GPATCH2: variants seen among roughly 807,000 people sequenced by gnomAD.
The protein encoded by GPATCH2 is G patch domain-containing protein 2.
Under a neutral mutation model 58.0 loss-of-function variants are expected in GPATCH2, and 51 were observed. That is an observed-to-expected ratio of 0.88 (90% CI 0.70 to 1.11). The LOEUF is 1.11. Ranked by LOEUF, GPATCH2 falls within the 50% of genes most tolerant of loss-of-function variation. The pLI, the probability that GPATCH2 is intolerant of heterozygous loss-of-function variation, is 0.00. For synonymous variants in GPATCH2, 222 were observed against 218.5 expected (o/e 1.02, Z -0.14); for missense variants, 625 against 652.2 (o/e 0.96, Z 0.45).
intron 5 of GPATCH2, among the ~76,000 whole-genome samples, chr1:217,578,087 G>T (rs1666893649): frequency 7.6e-6 from 1 of 132,390 alleles, no homozygotes; most frequent in South Asian, 3.1e-4. Context: ...CATGGGGGTG[G>T]GGCGGGGGGC....
intron 1 of GPATCH2, among the ~76,000 whole-genome samples, chr1:217,621,369 CG>C (rs957759185): frequency 6.6e-5 from 10 of 152,114 alleles, no homozygotes; most frequent in African/African-American, 2.4e-4. Flanking sequence ...GATTTGCACC[CG>C]TCTTATGAAG....
At chr1:217,492,966 G>A (rs1397162436) in intron 7 of GPATCH2, among the ~76,000 whole-genome samples, 1 of 152,108 alleles carries the variant, frequency 6.6e-6, no homozygotes, top group Non-Finnish European at 1.5e-5. Context: ...AGTTTACTTA[G>A]CTGTCCTTGA....
At chr1:217,491,496 A>G in intron 8 of GPATCH2, 184 bp downstream of exon 8, 1 of 289,070 alleles carries the variant, frequency 3.5e-6, no homozygotes, top group Non-Finnish European at 6.3e-6. Context: ...AAGTTTAAAA[A>G]ATATAAATAA....
chr1:217,451,127 C>T (rs1046337044), intron 8 of GPATCH2, among the ~76,000 whole-genome samples: 2 of 152,038 alleles, frequency 1.3e-5, no homozygotes, highest in East Asian at 3.8e-4. Flanking sequence ...GTGGTAGTGG[C>T]GGCAGGCATA....
intron 9 of GPATCH2, among the ~76,000 whole-genome samples, chr1:217,448,769 A>G (rs1659512409): frequency 6.6e-6 from 1 of 152,226 alleles, no homozygotes; most frequent in African/African-American, 2.4e-5. Flanking sequence ...AGAAGGAATG[A>G]GGAATCTAAG....
intron 8 of GPATCH2, among the ~76,000 whole-genome samples, chr1:217,485,131 A>C (rs1172634556): frequency 1.3e-5 from 2 of 152,190 alleles, no homozygotes; most frequent in Non-Finnish European, 2.9e-5. Flanking sequence ...GTAAGACTTC[A>C]TCTGAGTTTG....
chr1:217,601,408 T>C (rs1409286713), intron 5 of GPATCH2, among the ~76,000 whole-genome samples: 1 of 149,902 alleles, frequency 6.7e-6, no homozygotes, highest in Non-Finnish European at 1.5e-5. Flanking sequence ...CTGTCTCAAT[T>C]AAAAAAATAA....
At chr1:217,552,133 C>A (rs1433864032) in intron 5 of GPATCH2, among the ~76,000 whole-genome samples, 1 of 151,954 alleles carries the variant, frequency 6.6e-6, no homozygotes, top group East Asian at 1.9e-4. Context: ...ACAAACCAAC[C>A]TGATGTATAT....
chr1:217,523,210 G>A (rs1037858998), intron 5 of GPATCH2, among the ~76,000 whole-genome samples: 7 of 151,582 alleles, frequency 4.6e-5, no homozygotes, highest in Non-Finnish European at 1.0e-4. Flanking sequence ...ATTCTTGGGT[G>A]TTTCTCCCAG....
At chr1:217,599,509 T>C (rs1408418178) in intron 5 of GPATCH2, among the ~76,000 whole-genome samples, 1 of 152,208 alleles carries the variant, frequency 6.6e-6, no homozygotes, top group East Asian at 1.9e-4. Flanking sequence ...TGAAACCAAA[T>C]GTTACACTGA....
rs1558388568 is a variant in GPATCH2 at position 217,433,386 on chromosome 1, T to TATATA, written c.1367-2022_1367-2021insTATAT. ...CATATATATATATATATATATATAT[T>TATATA]TATTTATTTATTTATTTATTTATTT... On this transcript the variant is annotated intron_variant, in intron 9 of 9. Transcript: ENST00000366935. Among the ~76,000 whole-genome samples the TATATA allele has an allele frequency of 9.1e-3, 262 of 28,826 alleles. 2 individuals are homozygous for TATATA. Among genetic ancestry groups the TATATA allele is most frequent in the Middle Eastern group, 0.071 (3 of 42 alleles). 18.9% of individuals were successfully genotyped at this position (28,826 alleles called of 152,430 possible).
chr1:217,515,601 G>A (rs1421005818), intron 5 of GPATCH2, among the ~76,000 whole-genome samples: 2 of 151,870 alleles, frequency 1.3e-5, no homozygotes, highest in African/African-American at 4.8e-5. Context: ...CCAGCTACTC[G>A]GGAGGCTGAG....
intron 5 of GPATCH2, among the ~76,000 whole-genome samples, chr1:217,528,821 C>T (rs80181830): frequency 0.026 from 3,992 of 152,210 alleles, 76 homozygotes; most frequent in East Asian, 0.076. Flanking sequence ...AGTTCCTGTA[C>T]CCTCTTGAGG....
At position 217,427,034 on chromosome 1, in the gene GPATCH2, C is replaced by T. The variant is rs1445803705; in HGVS notation, c.*4111G>A. The T allele has an allele frequency of 6.6e-6, 1 of 151,848 alleles. No homozygotes were observed. Among genetic ancestry groups the T allele is most frequent in the Non-Finnish European group, 1.5e-5 (1 of 67,962 alleles). 9.4% of individuals were successfully genotyped at this position (151,848 alleles called of 1,614,324 possible). ...TAAGTTTAATCAACATAGTGAAATGCCTCTTACAGCAAACAAAACTCAACA... is the reference window on the plus strand; with the variant it reads ...TAAGTTTAATCAACATAGTGAAATGTCTCTTACAGCAAACAAAACTCAACA... On this transcript the variant is annotated 3_prime_UTR_variant, in exon 10 of 10. Transcript: ENST00000366935.
Position 217,631,059 on chromosome 1 carries a change from C to T in GPATCH2, c.-88G>A. 7.7e-7 allele frequency: 1 copy of T among 1,302,640 alleles called. No homozygotes were observed. The highest frequency in any genetic ancestry group is 1.1e-6 in the Non-Finnish European group (1 of 942,552). 80.7% of individuals were successfully genotyped at this position (1,302,640 alleles called of 1,614,324 possible). On this transcript the variant is annotated 5_prime_UTR_variant, in exon 1 of 10. Transcript: ENST00000366935. ...CACCGGCGACTTCCAAAGAGCAGTT[C>T]AGCATTTTGAGATGAGCTTCCGGAA...
chr1:217,510,657 T>C (rs1008212430), intron 6 of GPATCH2, among the ~76,000 whole-genome samples: 1 of 152,128 alleles, frequency 6.6e-6, no homozygotes, highest in Non-Finnish European at 1.5e-5. Context: ...ATCTTATTCA[T>C]ACAAATTGGT....
chr1:217,629,153 T>C (rs890991659), intron 1 of GPATCH2, among the ~76,000 whole-genome samples: 1 of 152,050 alleles, frequency 6.6e-6, no homozygotes, highest in East Asian at 1.9e-4. Flanking sequence ...AACATACTTA[T>C]ATAGTAAATA....
At chr1:217,540,932 A>G (rs1422646838) in intron 5 of GPATCH2, among the ~76,000 whole-genome samples, 1 of 152,206 alleles carries the variant, frequency 6.6e-6, no homozygotes, top group East Asian at 1.9e-4. Flanking sequence ...AATTTATTGT[A>G]ATACTGTTTT....
intron 9 of GPATCH2, among the ~76,000 whole-genome samples, chr1:217,433,779 T>C (rs1658673333): frequency 6.6e-6 from 1 of 152,226 alleles, no homozygotes. Context: ...AATGTCAGCA[T>C]TGAACCAACG....
Sources: allele counts gnomAD v4.1 joint callset (sites outside exome capture counted in the v4.1 genomes callset), GRCh38; gene constraint gnomAD v4.1.1; transcripts MANE v1.5; gene names NCBI Gene and HGNC (gene_info 2026-07-23, HGNC 2026-07-21).